The following SYNE2 variants were observed in gnomAD, a reference collection of about 807,000 sequenced individuals.
SYNE2 encodes the protein spectrin repeat containing nuclear envelope protein 2, also known as nesprin-2.
In SYNE2, 431 loss-of-function variants were observed where a neutral mutation model predicts 856.3. The ratio of observed to expected loss-of-function variants is 0.50; its 90% confidence interval spans 0.47 to 0.55. The LOEUF (loss-of-function observed/expected upper bound fraction) is 0.55. Among genes scored for constraint, SYNE2 ranks in the 20% least tolerant of loss-of-function variants. SYNE2 has a pLI of 0.00. For synonymous variants in SYNE2, 2,923 were observed against 2,872.3 expected (o/e 1.02, Z -0.56); for missense variants, 8,129 against 8,023.2 (o/e 1.01, Z -0.50).
Position 64,146,890 on chromosome 14 carries a change from A to T in SYNE2, c.15639+667A>T, listed in dbSNP as rs1451742963. Reference sequence around the variant, plus strand: ...CGGCCTTACAATAGTCACTGTCAGGACTGGAAAGTCTGGCCGGACCCCATT... The same window carrying T: ...CGGCCTTACAATAGTCACTGTCAGGTCTGGAAAGTCTGGCCGGACCCCATT... On this transcript the variant is annotated intron_variant, in intron 84 of 115. Transcript: ENST00000555002. Among the ~76,000 whole-genome samples, 10 of 152,218 alleles carry T rather than the reference A, an allele frequency of 6.6e-5. No individual in the cohort carries two copies. The East Asian group carries it at 1.9e-3, about 29-fold the overall frequency.
intron 1 of SYNE2, among the ~76,000 whole-genome samples, chr14:63,857,988 A>G (rs968445626): frequency 1.3e-5 from 2 of 152,186 alleles, no homozygotes; most frequent in Non-Finnish European, 2.9e-5. Flanking sequence ...TGGTTCTAGA[A>G]TCTGGGAAGT....
At chr14:63,844,491 G>A (rs2139938470) in intron 1 of SYNE2, among the ~76,000 whole-genome samples, 1 of 152,260 alleles carries the variant, frequency 6.6e-6, no homozygotes, top group South Asian at 2.1e-4. Context: ...TCACTTACAG[G>A]TTTTTGTGTG....
chr14:63,902,193 C>T lies in SYNE2; in HGVS notation c.-51-6905C>T, dbSNP rs1410791434. On this transcript the variant is annotated intron_variant, in intron 1 of 115. Transcript: ENST00000555002. The stretch of plus-strand genomic sequence containing the variant: ...TGGGTGGCTGAGGCGGGCTGATTAT[C>T]TGAGGTCAGGAGTTCAAGACCAGCC... 3.3e-5 allele frequency among the ~76,000 whole-genome samples: 5 copies of T among 151,880 alleles called. No individual in the cohort carries two copies. The East Asian group carries it at 9.7e-4, about 29-fold the overall frequency.
chr14:63,897,089 C>CA (rs2095265085), intron 1 of SYNE2, among the ~76,000 whole-genome samples: 1 of 151,912 alleles, frequency 6.6e-6, no homozygotes, highest in Non-Finnish European at 1.5e-5. Context: ...TTGTCTCTAC[C>CA]AAAAAATACA....
At position 63,962,961 on chromosome 14, in the gene SYNE2, C is replaced by T. The variant is rs547274852; in HGVS notation, c.889-938C>T. Among the ~76,000 whole-genome samples the T allele has an allele frequency of 5.3e-5, 8 of 152,298 alleles. No individual in the cohort carries two copies. In the South Asian group the frequency reaches 1.7e-3, roughly 32 times the overall value. On this transcript the variant is annotated intron_variant, in intron 9 of 115. Transcript: ENST00000555002. ...GCTGAGCTGAAAAGAAACTCTTATT[C>T]TGCTTCTAAGATGATAAATGAGTGC...
chr14:64,193,871 T>C (rs2098529190), intron 99 of SYNE2, among the ~76,000 whole-genome samples: 2 of 152,206 alleles, frequency 1.3e-5, no homozygotes, highest in Admixed American at 6.5e-5. Context: ...GCAAAGTCAG[T>C]GTGATTCTTC....
intron 18 of SYNE2, among the ~76,000 whole-genome samples, chr14:63,985,365 TC>T (rs1031237337): frequency 8.6e-5 from 13 of 150,510 alleles, no homozygotes; most frequent in African/African-American, 3.2e-4. Flanking sequence ...ATCTGTGTAC[TC>T]CATAAATATA....
At chr14:63,854,506 C>CAGCCG (rs1232739800) in intron 1 of SYNE2, among the ~76,000 whole-genome samples, 3 of 152,212 alleles carry the variant, frequency 2.0e-5, no homozygotes, top group Non-Finnish European at 4.4e-5. Context: ...AATTACTGAA[C>CAGCCG]GGCTTTAGCC....
intron 65 of SYNE2, among the ~76,000 whole-genome samples, chr14:64,110,526 C>T (rs182393784): frequency 1.2e-3 from 171 of 147,320 alleles, no homozygotes; most frequent in Non-Finnish European, 4.1e-4. Flanking sequence ...TATTAATTTA[C>T]AGTTATGCTT....
intron 16 of SYNE2, 143 bp from the exon 17 acceptor site, chr14:63,982,487 T>C (rs2096592983): frequency 2.6e-6 from 2 of 755,436 alleles, no homozygotes; most frequent in Admixed American, 3.1e-5. Flanking sequence ...GCCACTGCAC[T>C]CCAGCCTGGG....
chr14:63,925,217 G>A (rs2095649333), intron 2 of SYNE2, among the ~76,000 whole-genome samples: 1 of 152,172 alleles, frequency 6.6e-6, no homozygotes, highest in Admixed American at 6.5e-5. Context: ...AGCTACTTGG[G>A]AAGCTGAGGT....
intron 16 of SYNE2, 28 bp downstream of exon 16, chr14:63,981,201 A>T: frequency 6.4e-7 from 1 of 1,563,834 alleles, no homozygotes; most frequent in Non-Finnish European, 8.8e-7. Context: ...GCATCTGCTC[A>T]ATTTTATTTT....
chr14:64,048,016 T>C lies in SYNE2; in HGVS notation c.7238T>C (p.Met2413Thr). ...WEINKDSAVEMAMSKQLSLNA... is the reference protein window; with the variant it reads ...WEINKDSAVETAMSKQLSLNA... ...GTATTTCAGGATTCAGCTGTGGAAA[T>C]GGCTATGTCAAAACAACTTTCTCTT... The change falls in exon 46 of 116, where the codon ATG becomes ACG. Residue 2413 changes from methionine to threonine, a missense_variant. By Grantham distance (81) the Met-to-Thr change is moderately conservative (BLOSUM62 -1). Coordinates refer to ENST00000555002, the MANE Select transcript of SYNE2 (RefSeq NM_182914.3). 6.2e-7 allele frequency: 1 copy of C among 1,613,832 alleles called. No homozygotes were observed. Among genetic ancestry groups the C allele is most frequent in the South Asian group, 1.1e-5 (1 of 91,068 alleles).
At chr14:64,118,820 C>T (rs1456777191) in intron 66 of SYNE2, among the ~76,000 whole-genome samples, 2 of 149,466 alleles carry the variant, frequency 1.3e-5, no homozygotes, top group African/African-American at 2.5e-5. Flanking sequence ...GAGATCACAC[C>T]ACTGCACTCT....
chr14:63,942,278 G>A, intron 6 of SYNE2, 135 bp downstream of exon 6: 1 of 677,078 alleles, frequency 1.5e-6, no homozygotes, highest in Non-Finnish European at 2.6e-6. Context: ...TCTTGAAGAG[G>A]TAGAAAATAA....
chr14:63,948,818 ATATATG>A (rs2096097080), intron 6 of SYNE2, among the ~76,000 whole-genome samples: 1 of 122,692 alleles, frequency 8.2e-6, no homozygotes, highest in Non-Finnish European at 1.7e-5. Flanking sequence ...ATATATATAT[ATATATG>A]TAGCTTAATT....
At chr14:63,890,214 C>G (rs2095099645) in intron 1 of SYNE2, among the ~76,000 whole-genome samples, 1 of 151,916 alleles carries the variant, frequency 6.6e-6, no homozygotes, top group Non-Finnish European at 1.5e-5. Context: ...AGGCGTGGGC[C>G]ACCATGCCTG....
intron 52 of SYNE2, among the ~76,000 whole-genome samples, chr14:64,072,066 T>C (rs1001593524): frequency 5.3e-5 from 8 of 152,210 alleles, no homozygotes; most frequent in Admixed American, 4.6e-4. Context: ...AGATATGCCA[T>C]AATGTGTTAA....
intron 54 of SYNE2, among the ~76,000 whole-genome samples, chr14:64,077,672 C>T (rs1415607198): frequency 6.6e-6 from 1 of 150,798 alleles, no homozygotes; most frequent in Non-Finnish European, 1.5e-5. Flanking sequence ...AAGGATTATA[C>T]AAAAGCATAA....
Sources: gnomAD v4.1 joint callset for allele counts (sites outside exome capture counted in the v4.1 genomes callset) on GRCh38, gnomAD v4.1.1 for gene constraint, MANE v1.5 for transcripts, NCBI Gene and HGNC (gene_info 2026-07-23, HGNC 2026-07-21) for gene names.